The following SYMPK variants were observed in gnomAD, a reference collection of about 807,000 sequenced individuals.
The protein encoded by SYMPK is symplekin scaffold protein.
A neutral mutation model predicts 136.4 loss-of-function variants in SYMPK; 49 were observed. The observed-to-expected ratio is 0.36, with a 90% CI of 0.29 to 0.46. The LOEUF is 0.46. Among genes scored for constraint, SYMPK ranks in the 20% least tolerant of loss-of-function variants. SYMPK has a pLI of 1.00. For synonymous variants in SYMPK, 766 were observed against 713.0 expected, an observed-to-expected ratio of 1.07 and a Z score of -1.19; for missense variants, 1,365 against 1,690.0, an observed-to-expected ratio of 0.81 and a Z score of 3.37.
chr19:45,847,985 C>T lies in SYMPK; in HGVS notation c.443G>A (p.Arg148Gln), dbSNP rs1197367982. The T allele has an allele frequency of 6.3e-7, 1 of 1,588,330 alleles. No individual in the cohort carries two copies. Among genetic ancestry groups the T allele is most frequent in the Non-Finnish European group, 8.6e-7 (1 of 1,161,830 alleles). Residue 148 changes from arginine (R) to glutamine (Q), a missense_variant, in exon 7 of 27, where the codon CGG (arginine) becomes CAG (glutamine). Physicochemically the swap from Arg to Gln is conservative, Grantham distance 43. Around this residue, in one of 11 missense-constraint regions of SYMPK, gnomAD observed 237 missense variants for 292.9 expected, o/e 0.81. Coordinates refer to ENST00000245934, the MANE Select transcript of SYMPK (RefSeq NM_004819.3). ...GGCCTCCTGTAGCTCGCTAATGACC[C>T]GTGACTTTACCATCCACTGCCAGCA... ...KVALQWMVKS[R>Q]VISELQEACW...
intron 17 of SYMPK, among the ~76,000 whole-genome samples, chr19:45,825,900 T>C (rs1057333253): frequency 6.6e-6 from 1 of 152,218 alleles, no homozygotes; most frequent in Non-Finnish European, 1.5e-5. Context: ...CCTTCCCATT[T>C]AATGGTCCAT....
intron 7 of SYMPK, among the ~76,000 whole-genome samples, chr19:45,844,800 C>A (rs1971522235): frequency 6.6e-6 from 1 of 152,206 alleles, no homozygotes; most frequent in South Asian, 2.1e-4. Flanking sequence ...TCAATACAGT[C>A]CCCAAAATTA....
intron 5 of SYMPK, among the ~76,000 whole-genome samples, chr19:45,850,357 C>T (rs980892649): frequency 6.6e-6 from 1 of 152,212 alleles, no homozygotes; most frequent in Non-Finnish European, 1.5e-5. Flanking sequence ...AAGGGTCAAA[C>T]AACTGATCCA....
intron 11 of SYMPK, among the ~76,000 whole-genome samples, chr19:45,832,678 C>T (rs1476731560): frequency 6.6e-6 from 1 of 151,742 alleles, no homozygotes; most frequent in Non-Finnish European, 1.5e-5. Flanking sequence ...AATAAAAAAC[C>T]AACTAGTACC....
chr19:45,830,778 A>C (rs1322611046), intron 12 of SYMPK: 1 of 152,256 alleles, frequency 6.6e-6, no homozygotes, highest in Non-Finnish European at 1.5e-5. Flanking sequence ...AGTCCCAGCT[A>C]ATCGGGAGGC....
intron 1 of SYMPK, chr19:45,862,465 CAG>C (rs1196448868): frequency 2.0e-5 from 3 of 152,210 alleles, no homozygotes. Flanking sequence ...ACAGTGGCGA[CAG>C]AGACAAACCT....
intron 9 of SYMPK, among the ~76,000 whole-genome samples, chr19:45,838,924 T>C (rs895300410): frequency 7.9e-5 from 12 of 152,220 alleles, no homozygotes; most frequent in Non-Finnish European, 1.8e-4. Flanking sequence ...GTCTTGCTCG[T>C]CACCGAGGCT....
intron 18 of SYMPK, chr19:45,824,089 T>A: frequency 3.9e-6 from 2 of 508,112 alleles, no homozygotes; most frequent in Non-Finnish European, 7.1e-6. Context: ...CTGCTCCAGC[T>A]CCCAGCCCTG....
At chr19:45,816,335 C>G (rs749041046) in intron 25 of SYMPK, 147 bp downstream of exon 25, 1 of 1,235,970 alleles carries the variant, frequency 8.1e-7, no homozygotes, top group Non-Finnish European at 1.1e-6. Flanking sequence ...CAACTCCCAG[C>G]AGGAGCATCC....
chr19:45,820,684 G>T (rs4803859), intron 22 of SYMPK: 134,249 of 156,626 alleles, frequency 0.86, 57,648 homozygotes, highest in East Asian at 0.9. Context: ...CCTTAGACGC[G>T]GAACCGGCAG....
intron 3 of SYMPK, 31 bp downstream of exon 3, chr19:45,854,144 G>C: frequency 1.9e-6 from 3 of 1,610,300 alleles, no homozygotes; most frequent in Non-Finnish European, 2.5e-6. Context: ...CCTTTCACCT[G>C]CTCAGCCCAG....
At position 45,830,122 on chromosome 19, in the gene SYMPK, T is replaced by A. The variant is rs758989176; in HGVS notation, c.1681A>T (p.Met561Leu). Reference sequence around the variant, plus strand: ...ATCCGCTTCACAGCGCCCAGCTTCATGGCTTCCACCTGGGCATCGGTAAGG... The same window carrying A: ...ATCCGCTTCACAGCGCCCAGCTTCAAGGCTTCCACCTGGGCATCGGTAAGG... ...KPLTDAQVEA[M>L]KLGAVKRILR... is the part of the protein sequence containing the mutation. Residue 561 changes from methionine (M) to leucine (L), a missense_variant, in exon 13 of 27, where the codon ATG (methionine) becomes TTG (leucine). By Grantham distance (15) the Met-to-Leu change is conservative. Coordinates refer to ENST00000245934, the MANE Select transcript of SYMPK (RefSeq NM_004819.3). 1.9e-6 allele frequency: 3 copies of A among 1,596,406 alleles called. No homozygotes were observed. The African/African-American group carries it at 4.0e-5, about 21-fold the overall frequency.
At position 45,848,599 on chromosome 19, in the gene SYMPK, C is replaced by T. The variant is rs546353388; in HGVS notation, c.426+151G>A. On this transcript the variant is annotated intron_variant, in intron 6 of 26. Coordinates refer to ENST00000245934, the MANE Select transcript of SYMPK (RefSeq NM_004819.3). ...TGCAACTTCCTGACCTAGGAGACAA[C>T]GTTAGCTCTCCATGTTATCTGTTCC... 1.0e-4 allele frequency: 109 copies of T among 1,069,088 alleles called. No individual in the cohort carries two copies. In the African/African-American group the frequency reaches 1.1e-3, roughly 10 times the overall value. The allele number at this position is 1,069,088 out of a possible 1,614,324, so 66.2% of individuals were successfully genotyped here. A position where few individuals can be genotyped will look rare whatever the true frequency, so the allele number is the denominator to read the frequency against.
intron 3 of SYMPK, among the ~76,000 whole-genome samples, chr19:45,853,569 G>A (rs12972119): frequency 0.11 from 15,894 of 151,172 alleles, 1,086 homozygotes; most frequent in East Asian, 0.34. Flanking sequence ...AGCCAGGATC[G>A]TGCCATGGCA....
At chr19:45,854,875 CTTTCT>C (rs1971783250) in intron 1 of SYMPK, 1 of 167,644 alleles carries the variant, frequency 6.0e-6, no homozygotes, top group Non-Finnish European at 1.2e-5. Flanking sequence ...CCACAGCAAA[CTTTCT>C]TTTTTTTTTT....
chr19:45,829,910 G>A, intron 13 of SYMPK, 144 bp downstream of exon 13: 3 of 920,316 alleles, frequency 3.3e-6, no homozygotes, highest in Non-Finnish European at 4.8e-6. Flanking sequence ...GGATGGGAGT[G>A]ATCTGGAGAA....
At chr19:45,817,597 T>A (rs1970784007) in intron 23 of SYMPK, among the ~76,000 whole-genome samples, 1 of 151,986 alleles carries the variant, frequency 6.6e-6, no homozygotes, top group Admixed American at 6.6e-5. Context: ...ACACCTGGCC[T>A]TATCGTGGTA....
At position 45,831,576 on chromosome 19, in the gene SYMPK, G is replaced by C; in HGVS notation, c.1406C>G (p.Thr469Ser). Residue 469 changes from threonine (T) to serine (S), a missense_variant, in exon 12 of 27, where the codon ACC (threonine) becomes AGC (serine). By Grantham distance (58) the Thr-to-Ser change is moderately conservative (BLOSUM62 1). Transcript: ENST00000245934. Reference protein sequence around the residue: ...AAGLGPGVEQTKQCKEEPKEE... With the variant: ...AAGLGPGVEQSKQCKEEPKEE... ...CTTGGGCTCCTCCTTGCACTGTTTG[G>C]TCTGCTCTACACCTGAGGGGGAGGC... 1 of 1,604,950 alleles carries C rather than the reference G, an allele frequency of 6.2e-7. No homozygotes were observed. The highest frequency in any genetic ancestry group is 1.3e-5 in the African/African-American group (1 of 74,666).
intron 23 of SYMPK, 126 bp from the exon 24 acceptor site, chr19:45,817,100 C>A: frequency 1.0e-6 from 1 of 991,686 alleles, no homozygotes; most frequent in Non-Finnish European, 1.5e-6. Context: ...TCTGGATGGG[C>A]AACAAGCAGC....
Sources: gnomAD v4.1 joint callset for allele counts (sites outside exome capture counted in the v4.1 genomes callset) on GRCh38, gnomAD v4.1.1 for gene constraint, gnomAD v4.1.1 regional missense constraint, MANE v1.5 for transcripts, NCBI Gene and HGNC (gene_info 2026-07-23, HGNC 2026-07-21) for gene names.